Variants in TSNARE1 observed in about 807,000 individuals in gnomAD.
TSNARE1 encodes t-SNARE domain-containing protein 1.
A neutral mutation model predicts 62.0 loss-of-function variants in TSNARE1; 49 were observed. That is an observed-to-expected ratio of 0.79 (90% CI 0.63 to 1.00). TSNARE1 has a LOEUF of 1.00. Ranked by LOEUF, TSNARE1 falls within the 50% of genes least tolerant of loss-of-function variation. The probability of loss-of-function intolerance (pLI) is 0.00; values close to 1 mark genes in which losing one functional copy is unlikely to be tolerated. For synonymous variants in TSNARE1, 328 were observed against 294.4 expected, an observed-to-expected ratio of 1.11 and a Z score of -1.17; for missense variants, 755 against 700.1, an observed-to-expected ratio of 1.08 and a Z score of -0.88.
At chr8:142,236,363 TG>T (rs1300443195) in intron 12 of TSNARE1, among the ~76,000 whole-genome samples, 1 of 151,520 alleles carries the variant, frequency 6.6e-6, no homozygotes, top group Non-Finnish European at 1.5e-5. Flanking sequence ...AGGAAGAGCC[TG>T]GCCAGGGCTG....
intron 9 of TSNARE1, among the ~76,000 whole-genome samples, chr8:142,304,834 G>A (rs898935941): frequency 2.0e-5 from 3 of 152,200 alleles, no homozygotes; most frequent in African/African-American, 4.8e-5. Flanking sequence ...TCCTCCCAGG[G>A]GGGACATGGC....
chr8:142,256,253 TC>T (rs1563782499), intron 12 of TSNARE1, among the ~76,000 whole-genome samples: 108 of 53,458 alleles, frequency 2.0e-3, no homozygotes, highest in South Asian at 3.8e-3. Context: ...ACCATCACCA[TC>T]ATCACCATCA....
At chr8:142,279,841 GT>G (rs1355219594) in intron 11 of TSNARE1, 1 of 1,025,564 alleles carries the variant, frequency 9.8e-7, no homozygotes, top group Non-Finnish European at 1.2e-6. Flanking sequence ...GGGGCGGGCT[GT>G]GGGGAAGGCC....
chr8:142,231,010 C>G (rs930292646), intron 12 of TSNARE1, among the ~76,000 whole-genome samples: 2 of 151,448 alleles, frequency 1.3e-5, no homozygotes, highest in Admixed American at 6.6e-5. Context: ...CATCTACCCA[C>G]CTCTCCATCC....
chr8:142,349,442 A>AAT (rs1833807048), intron 2 of TSNARE1, among the ~76,000 whole-genome samples: 2 of 152,200 alleles, frequency 1.3e-5, no homozygotes, highest in Admixed American at 1.3e-4. Context: ...GAATGTGGTA[A>AAT]ATATTCAATC....
At chr8:142,305,692 T>C (rs1013746912) in intron 9 of TSNARE1, among the ~76,000 whole-genome samples, 2 of 152,094 alleles carry the variant, frequency 1.3e-5, no homozygotes, top group African/African-American at 4.8e-5. Context: ...AAGGCCCAAT[T>C]TGGGTCTTGA....
chr8:142,365,435 T>C (rs1228851917), intron 1 of TSNARE1, among the ~76,000 whole-genome samples: 2 of 152,222 alleles, frequency 1.3e-5, no homozygotes, highest in African/African-American at 2.4e-5. Flanking sequence ...CCTGTGAATA[T>C]GAACACAACC....
At chr8:142,274,953 C>T in intron 11 of TSNARE1, 90 bp from the exon 12 acceptor site, 1 of 1,404,682 alleles carries the variant, frequency 7.1e-7, no homozygotes, top group East Asian at 2.9e-5. Flanking sequence ...CCCAGGGAGC[C>T]TGAGCCCAGG....
intron 12 of TSNARE1, among the ~76,000 whole-genome samples, chr8:142,249,654 T>C (rs1818060458): frequency 6.6e-6 from 1 of 152,226 alleles, no homozygotes; most frequent in Admixed American, 6.5e-5. Flanking sequence ...CCCAGGGTGC[T>C]GCAGCAGGCA....
intron 11 of TSNARE1, among the ~76,000 whole-genome samples, chr8:142,283,877 G>A (rs1344599900): frequency 3.5e-5 from 5 of 142,324 alleles, no homozygotes; most frequent in Non-Finnish European, 6.4e-5. Flanking sequence ...CAGAGGCAGG[G>A]ACAGTGTCAA....
At chr8:142,400,992 C>T (rs1371253463) in intron 1 of TSNARE1, among the ~76,000 whole-genome samples, 8 of 152,166 alleles carry the variant, frequency 5.3e-5, no homozygotes, top group Non-Finnish European at 1.2e-4. Context: ...ACACTCACCA[C>T]CCCTTTTCAG....
chr8:142,406,312 C>T (rs1233975070), upstream of TSNARE1: 1 of 152,316 alleles, frequency 6.6e-6, no homozygotes, highest in African/African-American at 2.4e-5. Context: ...GCCAGTGCCA[C>T]TTCCATTGTA....
intron 3 of TSNARE1, among the ~76,000 whole-genome samples, chr8:142,345,360 C>T (rs1833212449): frequency 6.6e-6 from 1 of 152,208 alleles, no homozygotes; most frequent in Admixed American, 6.5e-5. Flanking sequence ...GCAGAGGTCA[C>T]CGCACCTGTT....
intron 13 of TSNARE1, among the ~76,000 whole-genome samples, chr8:142,215,131 G>T (rs905379101): frequency 6.6e-6 from 1 of 152,158 alleles, no homozygotes; most frequent in South Asian, 2.1e-4. Context: ...GCCAGGGCCC[G>T]CACGGACACC....
intron 10 of TSNARE1, among the ~76,000 whole-genome samples, chr8:142,287,082 C>A (rs1822884526): frequency 6.6e-6 from 1 of 152,252 alleles, no homozygotes; most frequent in African/African-American, 2.4e-5. Flanking sequence ...CAGGTCACTA[C>A]CACCATCAAC....
intron 12 of TSNARE1, among the ~76,000 whole-genome samples, chr8:142,254,009 A>AGG (rs1563779357): frequency 1.3e-5 from 2 of 152,230 alleles, no homozygotes; most frequent in Non-Finnish European, 2.9e-5. Context: ...TTTCCAGAAG[A>AGG]CAGAAATCAA....
chr8:142,307,346 G>A lies in TSNARE1; in HGVS notation c.1132-6702C>T, dbSNP rs192492005. 1.5e-3 allele frequency among the ~76,000 whole-genome samples: 232 copies of A among 152,322 alleles called. 2 individuals are homozygous for A. Among genetic ancestry groups the A allele is most frequent in the South Asian group, 5.6e-3 (27 of 4,824 alleles). Reference sequence around the variant, plus strand: ...GCGGTGTTCCAGGTTGTGTCACTGCGTGGGGGCTGCTATGAGCATTCTCCC... The same window carrying A: ...GCGGTGTTCCAGGTTGTGTCACTGCATGGGGGCTGCTATGAGCATTCTCCC... On this transcript the variant is annotated intron_variant, in intron 9 of 13. Transcript: ENST00000524325.
At chr8:142,351,124 A>G (rs1834043684) in intron 2 of TSNARE1, among the ~76,000 whole-genome samples, 1 of 152,238 alleles carries the variant, frequency 6.6e-6, no homozygotes, top group South Asian at 2.1e-4. Context: ...ACAGCAGGGA[A>G]GCAGTTTGGG....
chr8:142,292,096 GA>G, intron 10 of TSNARE1, among the ~76,000 whole-genome samples: 1 of 152,206 alleles, frequency 6.6e-6, no homozygotes, highest in Admixed American at 6.5e-5. Flanking sequence ...ATGCCAGGAG[GA>G]AACCAGGCCA....
Sources: allele counts gnomAD v4.1 joint callset (sites outside exome capture counted in the v4.1 genomes callset), GRCh38; gene constraint gnomAD v4.1.1; transcripts MANE v1.5; gene names NCBI Gene and HGNC (gene_info 2026-07-23, HGNC 2026-07-21).